ZNF804B: variants seen among roughly 807,000 people sequenced by gnomAD.
The protein encoded by ZNF804B is zinc finger protein 804B, also known as zinc finger 804B.
ZNF804B carries 80 observed loss-of-function variants against 101.4 expected under a neutral mutation model. That is an observed-to-expected ratio of 0.79 (90% CI 0.66 to 0.95). ZNF804B has a LOEUF of 0.95. Ranked by LOEUF, ZNF804B falls within the 40% of genes least tolerant of loss-of-function variation. The pLI is 0.00. For missense variants in ZNF804B, 1,673 were observed against 1,561.9 expected (o/e 1.07, Z -1.20); for synonymous variants, 622 against 558.8 (o/e 1.11, Z -1.59).
intron 1 of ZNF804B, among the ~76,000 whole-genome samples, chr7:88,936,956 T>G (rs1792980765): frequency 6.6e-6 from 1 of 151,940 alleles, no homozygotes; most frequent in Non-Finnish European, 1.5e-5. Flanking sequence ...AGCCACAAAG[T>G]ATTAATAAAT....
At chr7:89,173,434 A>T (rs930093109) in intron 1 of ZNF804B, among the ~76,000 whole-genome samples, 1 of 152,066 alleles carries the variant, frequency 6.6e-6, no homozygotes, top group African/African-American at 2.4e-5. Context: ...AGCTGATCCT[A>T]TGTGTACCCT....
chr7:89,035,370 G>A (rs1203870733), intron 1 of ZNF804B, among the ~76,000 whole-genome samples: 2 of 151,996 alleles, frequency 1.3e-5, no homozygotes, highest in African/African-American at 4.8e-5. Flanking sequence ...CCTCCCCAGG[G>A]TGTAATTCTG....
At chr7:89,249,029 T>TAAAAAA (rs58553222) in intron 2 of ZNF804B, among the ~76,000 whole-genome samples, 1 of 119,234 alleles carries the variant, frequency 8.4e-6, no homozygotes, top group Non-Finnish European at 1.8e-5. Context: ...CCAATAACAG[T>TAAAAAA]AAAAAAAAAA....
chr7:89,144,312 T>C (rs1790758871), intron 1 of ZNF804B, among the ~76,000 whole-genome samples: 1 of 152,076 alleles, frequency 6.6e-6, no homozygotes, highest in Non-Finnish European at 1.5e-5. Context: ...TGGATTAATA[T>C]GCATTATTTT....
chr7:89,277,812 G>A (rs757689451), intron 2 of ZNF804B, among the ~76,000 whole-genome samples: 9 of 151,948 alleles, frequency 5.9e-5, no homozygotes, highest in African/African-American at 1.9e-4. Context: ...ATAAACATAC[G>A]TGTGCATGTG....
chr7:88,846,677 C>T (rs1188655970), intron 1 of ZNF804B, among the ~76,000 whole-genome samples: 2 of 151,798 alleles, frequency 1.3e-5, no homozygotes, highest in East Asian at 3.9e-4. Context: ...GTATAACATT[C>T]TTTTCAGAGG....
chr7:88,988,022 C>T (rs1584056231), intron 1 of ZNF804B, among the ~76,000 whole-genome samples: 1 of 151,910 alleles, frequency 6.6e-6, no homozygotes, highest in Non-Finnish European at 1.5e-5. Context: ...CTACTCTCTA[C>T]ATCCATAAAA....
At chr7:89,058,945 T>G (rs1049236205) in intron 1 of ZNF804B, among the ~76,000 whole-genome samples, 1 of 60,816 alleles carries the variant, frequency 1.6e-5, no homozygotes, top group African/African-American at 7.1e-5. Context: ...CTTCGAAGTT[T>G]GGCCTCCTAA....
At chr7:89,061,802 G>T (rs1789384907) in intron 1 of ZNF804B, among the ~76,000 whole-genome samples, 1 of 151,922 alleles carries the variant, frequency 6.6e-6, no homozygotes, top group Admixed American at 6.6e-5. Context: ...ACTGTCTATT[G>T]CACATCTCCA....
At chr7:88,861,487 G>A (rs542894115) in intron 1 of ZNF804B, among the ~76,000 whole-genome samples, 1 of 152,258 alleles carries the variant, frequency 6.6e-6, no homozygotes, top group South Asian at 2.1e-4. Flanking sequence ...ATAAAATAAG[G>A]CATTTAATAT....
chr7:89,089,883 T>C (rs1789856621), intron 1 of ZNF804B, among the ~76,000 whole-genome samples: 1 of 152,070 alleles, frequency 6.6e-6, no homozygotes, highest in South Asian at 2.1e-4. Context: ...TTAGAATGGA[T>C]TGTAGGCTGT....
intron 2 of ZNF804B, among the ~76,000 whole-genome samples, chr7:89,226,577 T>C (rs942795608): frequency 1.3e-4 from 20 of 152,054 alleles, no homozygotes; most frequent in African/African-American, 4.3e-4. Flanking sequence ...AGTCTCTAAA[T>C]GTTTACTATC....
At chr7:88,848,228 T>C (rs1421111926) in intron 1 of ZNF804B, among the ~76,000 whole-genome samples, 1 of 152,130 alleles carries the variant, frequency 6.6e-6, no homozygotes, top group African/African-American at 2.4e-5. Flanking sequence ...GGTTGAGAAA[T>C]GCTGGGTTAG....
intron 2 of ZNF804B, among the ~76,000 whole-genome samples, chr7:89,291,097 A>C (rs751933304): frequency 9.9e-5 from 15 of 152,212 alleles, no homozygotes; most frequent in Non-Finnish European, 2.1e-4. Context: ...CACCTAATAC[A>C]GATACAGCTT....
chr7:88,843,718 CAG>C (rs1446202346), intron 1 of ZNF804B, among the ~76,000 whole-genome samples: 2 of 151,910 alleles, frequency 1.3e-5, no homozygotes, highest in Non-Finnish European at 2.9e-5. Flanking sequence ...GCCTGGCTGA[CAG>C]AGCGAGACTC....
intron 1 of ZNF804B, among the ~76,000 whole-genome samples, chr7:88,915,568 AC>A (rs1353494200): frequency 1.3e-5 from 2 of 152,174 alleles, no homozygotes; most frequent in Non-Finnish European, 2.9e-5. Flanking sequence ...ATTTTCAAAA[AC>A]AGAGTTTTTG....
At chr7:89,271,503 A>G (rs1307912045) in intron 2 of ZNF804B, among the ~76,000 whole-genome samples, 1 of 152,170 alleles carries the variant, frequency 6.6e-6, no homozygotes, top group Non-Finnish European at 1.5e-5. Context: ...ATCGATGTTC[A>G]TCAGGGATAT....
chr7:89,068,789 G>C (rs925270439), intron 1 of ZNF804B, among the ~76,000 whole-genome samples: 2 of 152,188 alleles, frequency 1.3e-5, no homozygotes, highest in African/African-American at 4.8e-5. Context: ...ATTGAGAAAA[G>C]CACCAGTGTT....
chr7:88,858,631 T>C (rs569361809), intron 1 of ZNF804B, among the ~76,000 whole-genome samples: 1 of 152,218 alleles, frequency 6.6e-6, no homozygotes, highest in South Asian at 2.1e-4. Flanking sequence ...CTGGGGTACT[T>C]TGAGGCCAAG....
Sources: allele counts gnomAD v4.1 joint callset (sites outside exome capture counted in the v4.1 genomes callset), GRCh38; gene constraint gnomAD v4.1.1; transcripts MANE v1.5; gene names NCBI Gene and HGNC (gene_info 2026-07-23, HGNC 2026-07-21).